The following CAGE1 variants were observed in gnomAD, a reference collection of about 807,000 sequenced individuals.
The protein encoded by CAGE1 is cancer-associated gene 1 protein.
CAGE1 carries 66 observed loss-of-function variants against 94.9 expected under a neutral mutation model. The observed-to-expected ratio is 0.70, with a 90% CI of 0.57 to 0.85. CAGE1 has a LOEUF of 0.85. Among genes scored for constraint, CAGE1 ranks in the 40% least tolerant of loss-of-function variants. CAGE1 has a pLI of 0.00. For synonymous variants in CAGE1, 319 were observed against 321.0 expected, an observed-to-expected ratio of 0.99 and a Z score of 0.07; for missense variants, 865 against 950.4, an observed-to-expected ratio of 0.91 and a Z score of 1.18.
intron 11 of CAGE1, among the ~76,000 whole-genome samples, chr6:7,340,007 A>G (rs896394613): frequency 3.3e-5 from 5 of 152,228 alleles, no homozygotes; most frequent in Non-Finnish European, 5.9e-5. Context: ...TGTTTTCCAC[A>G]GTGGTTATAC....
At chr6:7,336,774 T>C (rs547575603) in intron 11 of CAGE1, among the ~76,000 whole-genome samples, 1 of 152,274 alleles carries the variant, frequency 6.6e-6, no homozygotes, top group East Asian at 1.9e-4. Context: ...CCTCCCAAAG[T>C]GCTGGGATTA....
rs1561846068 is a variant in CAGE1, at chr6:7,333,637, A to AT, written c.2438+384_2438+385insA. Among the ~76,000 whole-genome samples the AT allele has an allele frequency of 4.1e-3, 495 of 120,662 alleles. 2 individuals carry two copies. The highest frequency in any genetic ancestry group is 7.1e-3 in the South Asian group (27 of 3,812). 79.2% of individuals were successfully genotyped at this position (120,662 alleles called of 152,430 possible). A position where few individuals can be genotyped will look rare whatever the true frequency, so the allele number is the denominator to read the frequency against. On this transcript the variant is annotated intron_variant, in intron 12 of 13. Coordinates refer to ENST00000502583, the MANE Select transcript of CAGE1 (RefSeq NM_001170692.2). The stretch of plus-strand genomic sequence containing the variant: ...TAAGTATTATCTAACTATCTATCTA[A>AT]CTATCTATATATATATATATATATA...
intron 12 of CAGE1, 38 bp downstream of exon 12, chr6:7,333,984 A>T: frequency 7.5e-7 from 1 of 1,327,802 alleles, no homozygotes; most frequent in Non-Finnish European, 1.0e-6. Context: ...CCTATATTTT[A>T]AAGACATTAT....
rs201331066 is a variant in CAGE1 at position 7,364,784 on chromosome 6, GAA to G, written c.2193+682_2193+683del. On this transcript the variant is annotated intron_variant, in intron 9 of 13. Transcript: ENST00000502583. ...CGCCTGGTCAATAATTACTTCTTAT[GAA>G]AAAAAAATTACAAAAGAGGAAAGCT... 4.6e-5 allele frequency among the ~76,000 whole-genome samples: 7 copies of G among 150,744 alleles called. No homozygotes were observed. The South Asian group carries it at 1.5e-3, about 32-fold the overall frequency.
At chr6:7,354,651 A>G (rs754968453) in intron 11 of CAGE1, among the ~76,000 whole-genome samples, 1 of 152,174 alleles carries the variant, frequency 6.6e-6, no homozygotes, top group African/African-American at 2.4e-5. Flanking sequence ...TCCCATTCTC[A>G]TGAGTTTATT....
chr6:7,344,348 G>C (rs1435114992), intron 11 of CAGE1, among the ~76,000 whole-genome samples: 1 of 152,264 alleles, frequency 6.6e-6, no homozygotes, highest in Non-Finnish European at 1.5e-5. Context: ...GCAATGAGGG[G>C]TTTAGCACCC....
At chr6:7,380,846 C>T (rs559780667) in intron 3 of CAGE1, among the ~76,000 whole-genome samples, 5 of 152,164 alleles carry the variant, frequency 3.3e-5, no homozygotes, top group Admixed American at 2.0e-4. Context: ...TGGCTAGGTT[C>T]TGGGGATACA....
chr6:7,336,123 G>GA (rs1758945253), intron 11 of CAGE1, among the ~76,000 whole-genome samples: 1 of 152,220 alleles, frequency 6.6e-6, no homozygotes, highest in South Asian at 2.1e-4. Context: ...ATGTGAAACA[G>GA]ACTCTGTGTA....
intron 9 of CAGE1, among the ~76,000 whole-genome samples, chr6:7,356,473 T>C (rs1759958927): frequency 6.6e-6 from 1 of 152,206 alleles, no homozygotes; most frequent in Admixed American, 6.5e-5. Flanking sequence ...TTTGACTCTA[T>C]ATGAAGTAAA....
At chr6:7,374,644 A>C (rs993420754) in intron 4 of CAGE1, among the ~76,000 whole-genome samples, 5 of 151,704 alleles carry the variant, frequency 3.3e-5, no homozygotes, top group Admixed American at 1.3e-4. Context: ...CCATTATCTC[A>C]TTATTCTGTG....
At chr6:7,384,784 G>A (rs182958513) in intron 3 of CAGE1, among the ~76,000 whole-genome samples, 13 of 151,794 alleles carry the variant, frequency 8.6e-5, no homozygotes, top group African/African-American at 3.1e-4. Flanking sequence ...GCGTGATCTC[G>A]GCTCACTGCA....
Position 7,365,492 on chromosome 6 carries a change from A to G in CAGE1, c.2169T>C (p.Ser723=). 1 of 1,613,404 alleles carries G rather than the reference A, an allele frequency of 6.2e-7. No individual in the cohort carries two copies. Among genetic ancestry groups the G allele is most frequent in the Admixed American group, 1.7e-5 (1 of 59,976 alleles). The part of the protein sequence containing the change: ...LLGAKLDKYH[S]LNEELDFLIT... ...CCAAGAAATCAAGCTCCTCATTTAGACTGTGGTACTTATCCAGTTTGGCTC... is the reference window on the plus strand; with the variant it reads ...CCAAGAAATCAAGCTCCTCATTTAGGCTGTGGTACTTATCCAGTTTGGCTC... The change falls in exon 9 of 14, where the codon AGT becomes AGC. Residue 723 remains serine (S), a synonymous_variant. Transcript: ENST00000502583.
At chr6:7,372,992 G>C in intron 5 of CAGE1, 81 bp downstream of exon 5, 1 of 965,572 alleles carries the variant, frequency 1.0e-6, no homozygotes, top group Middle Eastern at 3.4e-4. Context: ...ACAAATATAA[G>C]TGCCACGTCT....
At chr6:7,382,040 G>A (rs1760953159) in intron 3 of CAGE1, among the ~76,000 whole-genome samples, 2 of 151,352 alleles carry the variant, frequency 1.3e-5, no homozygotes, top group South Asian at 2.1e-4. Flanking sequence ...GGGTTTCACC[G>A]TGTTAGCCAG....
Position 7,339,232 on chromosome 6 carries a change from G to A in CAGE1, c.2370-5142C>T. 2 of 1,577,182 alleles carry A rather than the reference G, an allele frequency of 1.3e-6. No homozygotes were observed. The highest frequency in any genetic ancestry group is 1.7e-5 in the Admixed American group (1 of 59,978). On this transcript the variant is annotated intron_variant, in intron 11 of 13. Transcript: ENST00000502583. This position sits in a 1 kb window ranked among gnomAD's most constrained non-coding sequence, Gnocchi z 4.7. The stretch of plus-strand genomic sequence containing the variant: ...CCATAGCAGGCCCTCCGCACAGCAA[G>A]CCCTCCTAGGAGTTTGTAAGGCAGA...
chr6:7,371,656 G>A (rs1039009709), intron 5 of CAGE1, among the ~76,000 whole-genome samples: 2 of 152,056 alleles, frequency 1.3e-5, no homozygotes, highest in East Asian at 3.9e-4. Context: ...ATGGTGGTGT[G>A]TGCCTATATA....
chr6:7,383,318 A>G (rs951802388), intron 3 of CAGE1, among the ~76,000 whole-genome samples: 25 of 152,302 alleles, frequency 1.6e-4, no homozygotes, highest in African/African-American at 6.0e-4. Context: ...CATTTTCTAC[A>G]CTTCTTTTAT....
intron 7 of CAGE1, 82 bp from the exon 8 acceptor site, chr6:7,365,966 C>G: frequency 1.1e-6 from 1 of 879,572 alleles, no homozygotes. Flanking sequence ...TCAAACCGGG[C>G]CGGGCGTAGT....
Position 7,365,509 on chromosome 6 carries a change from G to C in CAGE1, c.2152C>G (p.Leu718Val). ...RDVPTLLGAK[L>V]DKYHSLNEEL... is the part of the protein sequence containing the mutation. The stretch of plus-strand genomic sequence containing the variant: ...TCATTTAGACTGTGGTACTTATCCA[G>C]TTTGGCTCCCAGAAGGGTAGGTACA... Residue 718 changes from leucine (L) to valine (V), a missense_variant, in exon 9 of 14, where the codon CTG becomes GTG. Coordinates refer to ENST00000502583, the MANE Select transcript of CAGE1 (RefSeq NM_001170692.2). The C allele has an allele frequency of 6.2e-7, 1 of 1,613,502 alleles. No homozygotes were observed. Among genetic ancestry groups the C allele is most frequent in the Non-Finnish European group, 8.5e-7 (1 of 1,179,646 alleles).
Sources: allele counts gnomAD v4.1 joint callset (sites outside exome capture counted in the v4.1 genomes callset), GRCh38; gene constraint gnomAD v4.1.1; non-coding constraint Gnocchi (gnomAD v3.1); transcripts MANE v1.5; gene names NCBI Gene and HGNC (gene_info 2026-07-23, HGNC 2026-07-21).